CYP4X1: variants seen among roughly 807,000 people sequenced by gnomAD.
The protein encoded by CYP4X1 is cytochrome P450 family 4 subfamily X member 1, also known as cytochrome P450 4X1.
A neutral mutation model predicts 57.9 loss-of-function variants in CYP4X1; 44 were observed. That is an observed-to-expected ratio of 0.76 (90% CI 0.60 to 0.98). The LOEUF (loss-of-function observed/expected upper bound fraction) is 0.98. CYP4X1 is among the 50% of genes least tolerant of loss of function. CYP4X1 has a pLI of 0.00. For missense variants in CYP4X1, 532 were observed against 623.9 expected (o/e 0.85, Z 1.57); for synonymous variants, 227 against 228.6 (o/e 0.99, Z 0.06).
the CYP4X1 span, among the ~76,000 whole-genome samples, chr1:47,007,294 G>A: frequency 5.9e-5 from 9 of 152,166 alleles, no homozygotes; most frequent in East Asian, 1.9e-4. Context: ...TGCAGCCACC[G>A]CTGCTGATAC....
At chr1:47,006,826 G>A in the CYP4X1 span, among the ~76,000 whole-genome samples, 22 of 152,306 alleles carry the variant, frequency 1.4e-4, no homozygotes, top group African/African-American at 4.6e-4. Context: ...ACGGAGCCTC[G>A]CTCATTGCTA....
the CYP4X1 span, among the ~76,000 whole-genome samples, chr1:46,997,229 TA>T: frequency 1.2e-4 from 19 of 152,236 alleles, no homozygotes; most frequent in Non-Finnish European, 1.6e-4. Context: ...AAAGATATTT[TA>T]AAATTATAGA....
chr1:47,033,807 G>A (rs1292959598), intron 4 of CYP4X1, among the ~76,000 whole-genome samples: 1 of 152,186 alleles, frequency 6.6e-6, no homozygotes, highest in Non-Finnish European at 1.5e-5. Flanking sequence ...AGACAAGATG[G>A]TGGATCCCTG....
the CYP4X1 span, among the ~76,000 whole-genome samples, chr1:47,005,712 T>G: frequency 6.6e-6 from 1 of 152,232 alleles, no homozygotes; most frequent in African/African-American, 2.4e-5. Context: ...AAAGCTGGCT[T>G]TAAAATTATC....
intron 11 of CYP4X1, 36 bp downstream of exon 11, chr1:47,049,540 G>A (rs1350868011): frequency 1.9e-6 from 3 of 1,568,564 alleles, no homozygotes; most frequent in Non-Finnish European, 2.6e-6. Context: ...AGTACCCAAA[G>A]ATGTTTACTT....
rs3814000 is a variant in CYP4X1 at position 47,023,670 on chromosome 1, C to G, written c.-148C>G. ...CCCCAGGCCTGAGCTGCCCCTCCCACTGCCTTTCCTTCTTCCCGCGAGTCA... is the reference window on the plus strand; with the variant it reads ...CCCCAGGCCTGAGCTGCCCCTCCCAGTGCCTTTCCTTCTTCCCGCGAGTCA... On this transcript the variant is annotated 5_prime_UTR_variant, in exon 1 of 12. Transcript: ENST00000371901. The G allele has an allele frequency of 6.7e-5, 95 of 1,422,474 alleles. No individual in the cohort carries two copies. In the East Asian group the frequency reaches 2.4e-3, roughly 36 times the overall value. 88.1% of individuals were successfully genotyped at this position (1,422,474 alleles called of 1,614,324 possible).
At chr1:46,979,119 T>G in the CYP4X1 span, among the ~76,000 whole-genome samples, 11 of 151,888 alleles carry the variant, frequency 7.2e-5, no homozygotes, top group Non-Finnish European at 1.5e-4. Flanking sequence ...AAGAAATAAC[T>G]AAGATCAGAG....
the CYP4X1 span, among the ~76,000 whole-genome samples, chr1:46,973,842 G>A: frequency 0.049 from 7,395 of 151,962 alleles, 497 homozygotes; most frequent in African/African-American, 0.14. Flanking sequence ...CTGGTGGTCA[G>A]TCAATCTTAT....
At chr1:47,006,082 A>G in the CYP4X1 span, among the ~76,000 whole-genome samples, 1 of 152,248 alleles carries the variant, frequency 6.6e-6, no homozygotes, top group South Asian at 2.1e-4. Context: ...AGTAATCTAG[A>G]TAAACTGTTA....
chr1:47,042,897 G>A (rs980345718), intron 8 of CYP4X1, among the ~76,000 whole-genome samples: 4 of 152,102 alleles, frequency 2.6e-5, no homozygotes, highest in South Asian at 2.1e-4. Context: ...TTACAATTGC[G>A]AATTGTGCTG....
At chr1:47,040,156 A>G (rs1644229515) in intron 8 of CYP4X1, among the ~76,000 whole-genome samples, 1 of 152,108 alleles carries the variant, frequency 6.6e-6, no homozygotes, top group Admixed American at 6.5e-5. Flanking sequence ...ATTGCAGTGT[A>G]GCATAATGAG....
At chr1:46,966,341 G>C in the CYP4X1 span, among the ~76,000 whole-genome samples, 1 of 152,236 alleles carries the variant, frequency 6.6e-6, no homozygotes, top group East Asian at 1.9e-4. Context: ...TTGCTGTGTG[G>C]GCCTGAGTTG....
the CYP4X1 span, among the ~76,000 whole-genome samples, chr1:46,992,246 G>A: frequency 4.6e-5 from 7 of 152,230 alleles, no homozygotes; most frequent in Non-Finnish European, 7.3e-5. Context: ...AACCCGGGAG[G>A]CAGAGGTTGA....
At chr1:46,967,868 T>A in the CYP4X1 span, 1 of 1,046,816 alleles carries the variant, frequency 9.6e-7, no homozygotes, top group South Asian at 3.2e-5. Flanking sequence ...CCAATGCAGG[T>A]CCTGAGCCAG....
Position 47,040,269 on chromosome 1 carries a change from G to A in CYP4X1, c.1073+737G>A, listed in dbSNP as rs116191894. ...GACTTCCTTGACATTTACGCTGACT[G>A]CAGGATAAGTAGGAGTTAGCCAGGT... On this transcript the variant is annotated intron_variant, in intron 8 of 11. Coordinates refer to ENST00000371901, the MANE Select transcript of CYP4X1 (RefSeq NM_178033.2). Among the ~76,000 whole-genome samples the A allele has an allele frequency of 4.5e-3, 685 of 152,188 alleles. 9 individuals carry two copies. Among genetic ancestry groups the A allele is most frequent in the African/African-American group, 0.016 (662 of 41,548 alleles).
At chr1:46,970,303 C>A in the CYP4X1 span, among the ~76,000 whole-genome samples, 1 of 152,148 alleles carries the variant, frequency 6.6e-6, no homozygotes, top group Middle Eastern at 3.2e-3. Context: ...TGCTGGCTGG[C>A]CATTGGGAAA....
At chr1:47,026,588 T>C (rs920123855) in intron 1 of CYP4X1, among the ~76,000 whole-genome samples, 1 of 152,100 alleles carries the variant, frequency 6.6e-6, no homozygotes, top group Non-Finnish European at 1.5e-5. Context: ...CCAGCTAGGG[T>C]TCTGCTTGGG....
At chr1:47,051,063 G>A (rs1644356326), downstream of CYP4X1, among the ~76,000 whole-genome samples, 2 of 152,150 alleles carry the variant, frequency 1.3e-5, no homozygotes, top group South Asian at 4.1e-4. Flanking sequence ...ATCAAAAAGT[G>A]GGTGAAGGAT....
At chr1:46,990,904 C>T in the CYP4X1 span, among the ~76,000 whole-genome samples, 6 of 150,474 alleles carry the variant, frequency 4.0e-5, no homozygotes, top group Non-Finnish European at 7.4e-5. Context: ...CTGTTGGGGG[C>T]GGGGGGTTAG....
Sources: gnomAD v4.1 joint callset for allele counts (sites outside exome capture counted in the v4.1 genomes callset) on GRCh38, gnomAD v4.1.1 for gene constraint, MANE v1.5 for transcripts, NCBI Gene and HGNC (gene_info 2026-07-23, HGNC 2026-07-21) for gene names.